SUMF2: variants seen among roughly 807,000 people sequenced by gnomAD.
The protein encoded by SUMF2 is sulfatase modifying factor 2, also known as inactive C-alpha-formylglycine-generating enzyme 2.
A neutral mutation model predicts 44.8 loss-of-function variants in SUMF2; 45 were observed. The ratio of observed to expected loss-of-function variants is 1.00; its 90% confidence interval spans 0.79 to 1.29. The LOEUF (loss-of-function observed/expected upper bound fraction) is 1.29. Ranked by LOEUF, SUMF2 falls within the 50% of genes most tolerant of loss-of-function variation. The pLI is 0.00. For synonymous variants in SUMF2, 148 were observed against 150.4 expected, an observed-to-expected ratio of 0.98 and a Z score of 0.12; for missense variants, 418 against 389.9, an observed-to-expected ratio of 1.07 and a Z score of -0.61.
chr7:56,075,183 GTT>G (rs372689175), intron 5 of SUMF2, among the ~76,000 whole-genome samples: 3 of 142,044 alleles, frequency 2.1e-5, no homozygotes, highest in African/African-American at 5.2e-5. Context: ...GAGGACCAGT[GTT>G]TTTTTTTTTT....
intron 6 of SUMF2, 112 bp downstream of exon 6, chr7:56,077,001 G>GACTC: frequency 1.1e-6 from 1 of 944,772 alleles, no homozygotes; most frequent in Non-Finnish European, 1.6e-6. Context: ...TGCAACTGAT[G>GACTC]ACTCATAAGC....
downstream of SUMF2, chr7:56,083,453 C>A (rs377248746): frequency 9.4e-5 from 152 of 1,613,556 alleles, no homozygotes; most frequent in Non-Finnish European, 1.2e-4. Flanking sequence ...TAGGGTGGGG[C>A]ACACACTTGT....
the SUMF2 span, chr7:56,087,803 CG>C: frequency 1.1e-5 from 17 of 1,591,208 alleles, no homozygotes; most frequent in South Asian, 1.7e-4. Context: ...CAGATGGCCT[CG>C]GGGGGCCCCT....
At chr7:56,072,662 G>C (rs1795255350) in intron 2 of SUMF2, among the ~76,000 whole-genome samples, 2 of 152,104 alleles carry the variant, frequency 1.3e-5, no homozygotes, top group East Asian at 3.8e-4. Flanking sequence ...GGCGGAGCTT[G>C]CAGTGAGCCG....
At chr7:56,074,122 G>A in intron 3 of SUMF2, 52 bp from the exon 4 acceptor site, 2 of 1,579,250 alleles carry the variant, frequency 1.3e-6, no homozygotes, top group Non-Finnish European at 1.7e-6. Flanking sequence ...AGTCGGGGAG[G>A]TGCCTTTGCT....
Position 56,067,990 on chromosome 7 carries a change from CCAAA to C in SUMF2, c.68-483_68-480del, listed in dbSNP as rs374552921. On this transcript the variant is annotated intron_variant, in intron 1 of 8. Transcript: ENST00000434526. ...TAAGTGGCAGAACAAGAATGTGAAGCCAAACAAACAAAACGCAAAAGGAATTTTC... is the reference window on the plus strand; with the variant it reads ...TAAGTGGCAGAACAAGAATGTGAAGCCAAACAAAACGCAAAAGGAATTTTC... Among the ~76,000 whole-genome samples the C allele has an allele frequency of 2.7e-3, 400 of 149,694 alleles. 7 individuals carry two copies. The South Asian group carries it at 0.037, about 14-fold the overall frequency.
intron 2 of SUMF2, among the ~76,000 whole-genome samples, chr7:56,072,121 C>CA (rs35164639): frequency 0.045 from 2,363 of 52,528 alleles, 79 homozygotes; most frequent in African/African-American, 0.13. Flanking sequence ...GACTCTGTCT[C>CA]AAAAAAAAAA....
At chr7:56,072,963 C>T in intron 2 of SUMF2, 34 bp from the exon 3 acceptor site, 1 of 1,550,640 alleles carries the variant, frequency 6.4e-7, no homozygotes, top group Non-Finnish European at 8.9e-7. Context: ...CACAGAACCT[C>T]ACCAGCTGAA....
At chr7:56,079,011 C>T (rs1279715162) in intron 8 of SUMF2, 3 of 614,856 alleles carry the variant, frequency 4.9e-6, no homozygotes, top group Non-Finnish European at 8.9e-6. Flanking sequence ...ATTCTTCCAC[C>T]TCAGCTCCTC....
intron 4 of SUMF2, 85 bp from the exon 5 acceptor site, chr7:56,074,501 A>C: frequency 6.5e-7 from 1 of 1,545,402 alleles, no homozygotes; most frequent in Non-Finnish European, 8.8e-7. Context: ...CTAGTGGTAA[A>C]AGCTGAACGC....
At position 56,079,561 on chromosome 7, in the gene SUMF2, C is replaced by T. The variant is rs756935436; in HGVS notation, c.855C>T (p.Asn285=). The T allele has an allele frequency of 6.2e-7, 1 of 1,614,044 alleles. No homozygotes were observed. The highest frequency in any genetic ancestry group is 1.1e-5 in the South Asian group (1 of 91,084). Residue 285 remains asparagine, a synonymous_variant, in exon 9 of 9, where the codon AAC becomes AAT. Coordinates refer to ENST00000434526, the MANE Select transcript of SUMF2 (RefSeq NM_015411.4). ...ACACTCCAGATTCAGCCTCAGACAACCTCGGTTTCCGCTGTGCTGCAGACG... is the reference window on the plus strand; with the variant it reads ...ACACTCCAGATTCAGCCTCAGACAATCTCGGTTTCCGCTGTGCTGCAGACG... ...MGNTPDSASD[N]LGFRCAADAG...
At chr7:56,081,250 C>A (rs371433601), downstream of SUMF2, 3 of 1,612,986 alleles carry the variant, frequency 1.9e-6, no homozygotes, top group East Asian at 2.2e-5. The surrounding 1 kb of genome is among the most constrained non-coding windows in gnomAD (Gnocchi z 4.6). Context: ...CTTCACCCGG[C>A]GGTACTGGTA....
Position 56,074,737 on chromosome 7 carries a change from G to C in SUMF2, c.535+1G>C. On this transcript the variant is annotated splice_donor_variant, in intron 5 of 8. Transcript: ENST00000434526. LOFTEE classifies it high-confidence loss of function. Reference sequence around the variant, plus strand: ...TTTGCCGCCCGAGGGGGCTTGAAGGGTATCCAGATGATAAGGCGATTTTCC... The same window carrying C: ...TTTGCCGCCCGAGGGGGCTTGAAGGCTATCCAGATGATAAGGCGATTTTCC... 1 of 1,614,120 alleles carries C rather than the reference G, an allele frequency of 6.2e-7. No individual in the cohort carries two copies.
chr7:56,082,026 A>G (rs759785327), downstream of SUMF2: 49 of 1,613,536 alleles, frequency 3.0e-5, no homozygotes, highest in Admixed American at 8.3e-5. Flanking sequence ...CAGCGTGTAC[A>G]TGATGACGCC....
chr7:56,079,499 C>G, intron 8 of SUMF2, 29 bp from the exon 9 acceptor site: 1 of 1,597,446 alleles, frequency 6.3e-7, no homozygotes, highest in Non-Finnish European at 8.5e-7. Flanking sequence ...CAGGACGTGT[C>G]TGTCCTCTCT....
downstream of SUMF2, chr7:56,083,459 CT>C (rs1796115002): frequency 5.6e-6 from 9 of 1,613,114 alleles, no homozygotes; most frequent in Non-Finnish European, 7.6e-6. Context: ...GGGGCACACA[CT>C]TGTTACTCTT....
downstream of SUMF2, among the ~76,000 whole-genome samples, chr7:56,084,679 C>A (rs1450292432): frequency 4.0e-5 from 6 of 151,854 alleles, no homozygotes; most frequent in Admixed American, 1.3e-4. Flanking sequence ...GGCCGAGTAT[C>A]CCGATTTTTT....
At chr7:56,074,135 G>T (rs535875747) in intron 3 of SUMF2, 39 bp from the exon 4 acceptor site, 1 of 1,610,358 alleles carries the variant, frequency 6.2e-7, no homozygotes, top group African/African-American at 1.3e-5. Flanking sequence ...CCTTTGCTGG[G>T]CCGGAGCATC....
chr7:56,066,199 G>A, intron 1 of SUMF2, among the ~76,000 whole-genome samples: 1 of 151,926 alleles, frequency 6.6e-6, no homozygotes, highest in East Asian at 1.9e-4. Context: ...ATAGGATCTT[G>A]AGGAACATCA....
Sources: allele counts gnomAD v4.1 joint callset (sites outside exome capture counted in the v4.1 genomes callset), GRCh38; gene constraint gnomAD v4.1.1; non-coding constraint Gnocchi (gnomAD v3.1); transcripts MANE v1.5; gene names NCBI Gene and HGNC (gene_info 2026-07-23, HGNC 2026-07-21).